The following PRKACA variants were observed in gnomAD, a reference collection of about 807,000 sequenced individuals.
PRKACA encodes the protein protein kinase cAMP-activated catalytic subunit alpha.
In PRKACA, 9 loss-of-function variants were observed where a neutral mutation model predicts 45.8. The ratio of observed to expected loss-of-function variants is 0.20; its 90% CI spans 0.12 to 0.34. The LOEUF is 0.34. Ranked by LOEUF, PRKACA falls within the 10% of genes least tolerant of loss-of-function variation. The pLI is 1.00. For missense variants in PRKACA, 238 were observed against 458.6 expected, an observed-to-expected ratio of 0.52 and a Z score of 4.39; for synonymous variants, 160 against 178.6, an observed-to-expected ratio of 0.90 and a Z score of 0.83.
At position 14,097,683 on chromosome 19, in the gene PRKACA, A is replaced by G; in HGVS notation, c.547-9T>C. 1 of 1,610,842 alleles carries G rather than the reference A, an allele frequency of 6.2e-7. No homozygotes were observed. On this transcript the variant is annotated splice_polypyrimidine_tract_variant and intron_variant, in intron 6 of 9. Transcript: ENST00000308677. This position sits in a 1 kb window ranked among gnomAD's most constrained non-coding sequence, Gnocchi z 5.4. Reference sequence around the variant, plus strand: ...AAACCGAAGTCTGTCACCTGTGGGCACAAGAACAGGCAGTTGGCAGGGAGG... The same window carrying G: ...AAACCGAAGTCTGTCACCTGTGGGCGCAAGAACAGGCAGTTGGCAGGGAGG...
rs1256507909 is a variant in PRKACA at position 14,100,774 on chromosome 19, GCCA to G, written c.419+49_419+51del. ...TTCCCAGGGGGCTTGGTCGTGCACT[GCCA>G]CCTGTGGACACCCTGACAGCCTGAT... On this transcript the variant is annotated intron_variant, in intron 5 of 9. Coordinates refer to ENST00000308677, the MANE Select transcript of PRKACA (RefSeq NM_002730.4). 38 of 1,571,138 alleles carry G rather than the reference GCCA, an allele frequency of 2.4e-5. No homozygotes were observed. In the Admixed American group the frequency reaches 6.3e-4, roughly 26 times the overall value.
intron 4 of PRKACA, among the ~76,000 whole-genome samples, chr19:14,101,632 A>C (rs1338604333): frequency 1.3e-5 from 2 of 152,170 alleles, no homozygotes; most frequent in African/African-American, 4.8e-5. Flanking sequence ...AGGTCGAGGC[A>C]GGCAGATCAC....
At chr19:14,102,414 A>AAG (rs1977471645) in intron 4 of PRKACA, among the ~76,000 whole-genome samples, 1 of 152,082 alleles carries the variant, frequency 6.6e-6, no homozygotes, top group African/African-American at 2.4e-5. Flanking sequence ...TATGATCCCC[A>AAG]TTTTACCATG....
At chr19:14,098,820 A>G (rs925703561) in intron 5 of PRKACA, among the ~76,000 whole-genome samples, 15 of 151,618 alleles carry the variant, frequency 9.9e-5, no homozygotes, top group Non-Finnish European at 1.8e-4. Context: ...ATTGGAAAAA[A>G]AAAAAAAAAA....
chr19:14,096,861 T>C (rs1046918507), intron 8 of PRKACA: 2 of 246,934 alleles, frequency 8.1e-6, no homozygotes, highest in African/African-American at 4.5e-5. Flanking sequence ...GCACCTGTCA[T>C]AGATGTGAGC....
intron 8 of PRKACA, among the ~76,000 whole-genome samples, chr19:14,094,195 A>G (rs1412514225): frequency 1.4e-5 from 2 of 145,572 alleles, no homozygotes; most frequent in African/African-American, 5.3e-5. Flanking sequence ...GAAAAAAAAA[A>G]AAAAAAAAAA....
At chr19:14,099,363 T>A (rs972935024) in intron 5 of PRKACA, among the ~76,000 whole-genome samples, 69 of 150,834 alleles carry the variant, frequency 4.6e-4, no homozygotes, top group South Asian at 1.0e-3. Flanking sequence ...AAGTTAAAAA[T>A]TTTTTTTTTC....
At position 14,093,685 on chromosome 19, in the gene PRKACA, A is replaced by G. The variant is rs769046142; in HGVS notation, c.873T>C (p.Asp291=). The G allele has an allele frequency of 6.2e-7, 1 of 1,614,120 alleles. No homozygotes were observed. Among genetic ancestry groups the G allele is most frequent in the Non-Finnish European group, 8.5e-7 (1 of 1,180,018 alleles). ...TGGCAAACCACTTGTGGTTCTTGAT[A>G]TCGTTGACCCCATTCTTGAGGTTCC... ...RFGNLKNGVN[D]IKNHKWFATT... is the part of the protein sequence containing the mutation. Residue 291 remains aspartate (D), a synonymous_variant, in exon 9 of 10, where the codon GAT becomes GAC. Coordinates refer to ENST00000308677, the MANE Select transcript of PRKACA (RefSeq NM_002730.4).
chr19:14,092,780 G>C lies in PRKACA; in HGVS notation c.*332C>G, dbSNP rs1460136913. The C allele has an allele frequency of 2.2e-6, 1 of 445,558 alleles. No individual in the cohort carries two copies. Among genetic ancestry groups the C allele is most frequent in the South Asian group, 6.7e-5 (1 of 14,846 alleles). 27.6% of individuals were successfully genotyped at this position (445,558 alleles called of 1,614,324 possible). On this transcript the variant is annotated 3_prime_UTR_variant, in exon 10 of 10. Transcript: ENST00000308677. ...CCATACCCTGTCCCTGGATACACCA[G>C]CAAGACCTGGTCTGACTGGAGTTGA...
intron 5 of PRKACA, among the ~76,000 whole-genome samples, chr19:14,098,903 C>A (rs1268203477): frequency 2.0e-5 from 3 of 151,544 alleles, no homozygotes; most frequent in Non-Finnish European, 4.4e-5. Flanking sequence ...GGTTAGGTAG[C>A]TATATACAAC....
At chr19:14,113,668 T>G (rs772111201) in intron 1 of PRKACA, among the ~76,000 whole-genome samples, 1 of 152,192 alleles carries the variant, frequency 6.6e-6, no homozygotes, top group Non-Finnish European at 1.5e-5. Context: ...CTGGGAATTC[T>G]GGGGCAGGAA....
At chr19:14,093,821 G>A in intron 8 of PRKACA, 29 bp from the exon 9 acceptor site, 1 of 1,593,462 alleles carries the variant, frequency 6.3e-7, no homozygotes, top group Non-Finnish European at 8.5e-7. Context: ...GGACAGGGTG[G>A]GAAGCTGGTC....
At chr19:14,114,938 C>T (rs1967077465) in intron 1 of PRKACA, among the ~76,000 whole-genome samples, 1 of 152,182 alleles carries the variant, frequency 6.6e-6, no homozygotes, top group Non-Finnish European at 1.5e-5. Context: ...CCAGTCGGGC[C>T]GGCGTCTGGC....
At chr19:14,117,342 C>T (rs1203219614) in intron 1 of PRKACA, among the ~76,000 whole-genome samples, 160 bp downstream of exon 1, 1 of 145,096 alleles carries the variant, frequency 6.9e-6, no homozygotes, top group African/African-American at 2.6e-5. Context: ...GGGTACTCTG[C>T]GGGCCCGCGG....
chr19:14,106,020 T>C (rs1197356610), intron 3 of PRKACA, among the ~76,000 whole-genome samples: 1 of 152,040 alleles, frequency 6.6e-6, no homozygotes, highest in Non-Finnish European at 1.5e-5. Context: ...ACAGGGCCCT[T>C]CTGACCCCTG....
Position 14,117,511 on chromosome 19 carries a change from G to T in PRKACA, c.37C>A (p.Gln13Lys). 1 of 1,238,056 alleles carries T rather than the reference G, an allele frequency of 8.1e-7. No homozygotes were observed. 76.7% of individuals were successfully genotyped at this position (1,238,056 alleles called of 1,614,324 possible). A position where few individuals can be genotyped will look rare whatever the true frequency, so the allele number is the denominator to read the frequency against. Residue 13 changes from glutamine (Q) to lysine (K), a missense_variant, in exon 1 of 10, where the codon CAG becomes AAG. By Grantham distance (53) the Gln-to-Lys change is moderately conservative. Transcript: ENST00000308677. Reference protein sequence around the residue: ...NAAAAKKGSEQESVKEFLAKA... With the variant: ...NAAAAKKGSEKESVKEFLAKA... ...CAGCCCGGGCACTCACCGCTCTCCT[G>T]CTCGCTGCCCTTCTTGGCGGCGGCG...
At chr19:14,094,636 G>A (rs913961751) in intron 8 of PRKACA, among the ~76,000 whole-genome samples, 1 of 152,208 alleles carries the variant, frequency 6.6e-6, no homozygotes, top group Non-Finnish European at 1.5e-5. Context: ...GCTCTTCCTA[G>A]GTCACATTGA....
chr19:14,116,988 G>A (rs1967120663), intron 1 of PRKACA, among the ~76,000 whole-genome samples: 1 of 150,866 alleles, frequency 6.6e-6, no homozygotes, highest in South Asian at 2.1e-4. Flanking sequence ...AAGGTGAAGA[G>A]GGAAAGGGCA....
intron 4 of PRKACA, among the ~76,000 whole-genome samples, chr19:14,102,031 G>A (rs1029472532): frequency 7.9e-5 from 12 of 151,622 alleles, no homozygotes; most frequent in African/African-American, 2.9e-4. Flanking sequence ...GGGCATGGTG[G>A]TGGGCACCTG....
Sources: allele counts gnomAD v4.1 joint callset (sites outside exome capture counted in the v4.1 genomes callset), GRCh38; gene constraint gnomAD v4.1.1; non-coding constraint Gnocchi (gnomAD v3.1); transcripts MANE v1.5; gene names NCBI Gene and HGNC (gene_info 2026-07-23, HGNC 2026-07-21).